The following CPLX1 variants were observed in gnomAD, a reference collection of about 807,000 sequenced individuals.
The protein encoded by CPLX1 is complexin 1.
CPLX1 carries 6 observed loss-of-function variants against 15.6 expected under a neutral mutation model. The observed-to-expected ratio is 0.39, with a 90% CI of 0.21 to 0.76. The LOEUF is 0.76. CPLX1 is among the 30% of genes least tolerant of loss of function. CPLX1 has a pLI of 0.43. For synonymous variants in CPLX1, 91 were observed against 75.2 expected, an observed-to-expected ratio of 1.21 and a Z score of -1.08; for missense variants, 242 against 188.6, an observed-to-expected ratio of 1.28 and a Z score of -1.66.
intron 3 of CPLX1, 113 bp downstream of exon 3, chr4:792,320 G>C: frequency 2.9e-6 from 3 of 1,041,372 alleles, no homozygotes; most frequent in Non-Finnish European, 4.0e-6. Flanking sequence ...AGGGTAGGAG[G>C]CCCAGGGGGA....
intron 2 of CPLX1, among the ~76,000 whole-genome samples, chr4:815,550 C>G (rs749455408): frequency 6.6e-6 from 1 of 152,120 alleles, no homozygotes; most frequent in Non-Finnish European, 1.5e-5. Flanking sequence ...TTGTAAGCAC[C>G]GAATGCTCTG....
chr4:820,769 C>A (rs570698789), intron 2 of CPLX1, among the ~76,000 whole-genome samples: 16 of 151,834 alleles, frequency 1.1e-4, no homozygotes, highest in Admixed American at 3.3e-4. Flanking sequence ...AGGTGGACAC[C>A]CCTCACCAGC....
At chr4:823,181 G>A (rs965073034) in intron 2 of CPLX1, among the ~76,000 whole-genome samples, 6 of 152,164 alleles carry the variant, frequency 3.9e-5, no homozygotes, top group Admixed American at 1.3e-4. Flanking sequence ...TGGAACGTGC[G>A]TCCCTCCCAG....
intron 2 of CPLX1, among the ~76,000 whole-genome samples, chr4:817,884 A>G (rs530745680): frequency 1.3e-5 from 2 of 152,272 alleles, no homozygotes; most frequent in African/African-American, 4.8e-5. Context: ...CACGCTGGAC[A>G]TAGTATCTCA....
intron 2 of CPLX1, among the ~76,000 whole-genome samples, chr4:793,398 C>T (rs1165676077): frequency 2.0e-5 from 3 of 152,176 alleles, no homozygotes; most frequent in Admixed American, 2.0e-4. Context: ...GTGCTAGTCA[C>T]TACTTTTCTC....
At chr4:788,698 G>A (rs931254929) in intron 3 of CPLX1, among the ~76,000 whole-genome samples, 6 of 152,314 alleles carry the variant, frequency 3.9e-5, no homozygotes, top group South Asian at 2.1e-4. Context: ...TGTGCTCTTC[G>A]TCCTGTGGGG....
chr4:798,088 G>T (rs1467617392), intron 2 of CPLX1, among the ~76,000 whole-genome samples: 2 of 151,964 alleles, frequency 1.3e-5, no homozygotes. Flanking sequence ...AAGCCTGATG[G>T]ACATGGTGAA....
intron 1 of CPLX1, among the ~76,000 whole-genome samples, chr4:825,282 G>C (rs1020527074): frequency 6.6e-6 from 1 of 152,200 alleles, no homozygotes; most frequent in Non-Finnish European, 1.5e-5. Flanking sequence ...AGCAGCCGCA[G>C]TGAGCCCCCC....
At chr4:789,620 A>C (rs13108435) in intron 3 of CPLX1, among the ~76,000 whole-genome samples, 48,880 of 152,034 alleles carry the variant, frequency 0.32, 9,094 homozygotes, top group African/African-American at 0.51. Context: ...CTTATGCAGG[A>C]CAAGGGCGGG....
At chr4:790,291 C>A (rs1338640116) in intron 3 of CPLX1, among the ~76,000 whole-genome samples, 1 of 152,210 alleles carries the variant, frequency 6.6e-6, no homozygotes, top group Non-Finnish European at 1.5e-5. Flanking sequence ...TCCCTGCCAC[C>A]TGCTGTTCTC....
chr4:792,682 C>T (rs970904969), intron 2 of CPLX1, 74 bp from the exon 3 acceptor site: 2 of 1,495,340 alleles, frequency 1.3e-6, no homozygotes, highest in African/African-American at 2.8e-5. Flanking sequence ...AGCCACACTC[C>T]CCCACCTTCT....
chr4:786,954 TGAGAG>T (rs1395770846), intron 3 of CPLX1: 3 of 984,756 alleles, frequency 3.0e-6, no homozygotes, highest in East Asian at 1.1e-4. Flanking sequence ...CCATCTTCCT[TGAGAG>T]GAGAGAGGGC....
chr4:802,654 A>C (rs1488559116), intron 2 of CPLX1, among the ~76,000 whole-genome samples: 1 of 152,222 alleles, frequency 6.6e-6, no homozygotes, highest in Non-Finnish European at 1.5e-5. Flanking sequence ...GAAAGTGTAA[A>C]AATTCCAGAA....
rs532860681 is a variant in CPLX1 at position 798,231 on chromosome 4, C to A, written c.32-5623G>T. 3.6e-3 allele frequency among the ~76,000 whole-genome samples: 512 copies of A among 141,242 alleles called. 2 individuals carry two copies. Among genetic ancestry groups the A allele is most frequent in the Non-Finnish European group, 5.5e-3 (370 of 67,040 alleles). 92.7% of individuals were successfully genotyped at this position (141,242 alleles called of 152,430 possible). ...TGGAGGTTGCAGTGAGCCGAGATGG[C>A]ACCACTGAACTCCAGCCTGGGTGAC... On this transcript the variant is annotated intron_variant, in intron 2 of 3. Transcript: ENST00000304062.
intron 3 of CPLX1, 168 bp from the exon 4 acceptor site, chr4:786,866 T>G (rs1577466034): frequency 1.0e-6 from 1 of 970,618 alleles, no homozygotes; most frequent in African/African-American, 1.8e-5. Context: ...CCCCGGGGGG[T>G]CCCTGGAGGA....
chr4:792,321 C>A (rs936686586), intron 3 of CPLX1, 112 bp downstream of exon 3: 54 of 1,048,900 alleles, frequency 5.1e-5, no homozygotes, highest in Non-Finnish European at 7.1e-5. Context: ...GGGTAGGAGG[C>A]CCAGGGGGAC....
intron 2 of CPLX1, among the ~76,000 whole-genome samples, chr4:810,099 G>C (rs999717063): frequency 6.7e-6 from 1 of 149,982 alleles, no homozygotes; most frequent in Non-Finnish European, 1.5e-5. Flanking sequence ...GCCCAGGCTG[G>C]AGTGCAGTGG....
intron 2 of CPLX1, among the ~76,000 whole-genome samples, chr4:818,136 G>A (rs768198820): frequency 2.6e-5 from 4 of 152,228 alleles, no homozygotes; most frequent in Non-Finnish European, 5.9e-5. Flanking sequence ...TGGGTGTCCA[G>A]CCTGCTGCCC....
intron 3 of CPLX1, among the ~76,000 whole-genome samples, chr4:789,104 G>T (rs557868879): frequency 1.7e-4 from 26 of 152,348 alleles, no homozygotes; most frequent in Admixed American, 9.2e-4. Context: ...TGAGGCTGAG[G>T]TCACGCCGGA....
Sources: gnomAD v4.1 joint callset for allele counts (sites outside exome capture counted in the v4.1 genomes callset) on GRCh38, gnomAD v4.1.1 for gene constraint, MANE v1.5 for transcripts, NCBI Gene and HGNC (gene_info 2026-07-23, HGNC 2026-07-21) for gene names.